The following PYHIN1 variants were observed in gnomAD, a reference collection of about 807,000 sequenced individuals.
PYHIN1 encodes pyrin and HIN domain family member 1.
Under a neutral mutation model 43.7 loss-of-function variants are expected in PYHIN1, and 32 were observed. The observed-to-expected ratio is 0.73, with a 90% CI of 0.55 to 0.98. The LOEUF (loss-of-function observed/expected upper bound fraction) is 0.98. Ranked by LOEUF, PYHIN1 falls within the 50% of genes least tolerant of loss-of-function variation. The probability of loss-of-function intolerance (pLI) is 0.00; values close to 1 mark genes in which losing one functional copy is unlikely to be tolerated. For synonymous variants in PYHIN1, 205 were observed against 203.1 expected, an observed-to-expected ratio of 1.01 and a Z score of -0.08; for missense variants, 588 against 589.5, an observed-to-expected ratio of 1.00 and a Z score of 0.03.
chr1:158,982,228 T>C, the PYHIN1 span, among the ~76,000 whole-genome samples: 2 of 152,196 alleles, frequency 1.3e-5, no homozygotes, highest in Admixed American at 6.5e-5. Flanking sequence ...ATGTCCAGAA[T>C]AGTATTTCCT....
chr1:158,940,184 C>CCACTG (rs1177934557), intron 4 of PYHIN1: 1 of 151,222 alleles, frequency 6.6e-6, no homozygotes, highest in African/African-American at 2.4e-5. Context: ...TGAGATCGCA[C>CCACTG]CACTGCACTC....
chr1:158,954,115 C>G lies in PYHIN1; in HGVS notation c.1359+9073C>G, dbSNP rs549385446. Among the ~76,000 whole-genome samples, 320 of 35,358 alleles carry G rather than the reference C, an allele frequency of 9.1e-3. 21 individuals are homozygous for G. In the Admixed American group the frequency reaches 0.093, roughly 10 times the overall value. The allele number at this position is 35,358 out of a possible 152,430, so 23.2% of individuals were successfully genotyped here. ...ATGGGACTATGTGAAAAGACCAAAT[C>G]TACGTCTGATTGGTGTACCTGAAAG... On this transcript the variant is annotated intron_variant, in intron 7 of 8. Coordinates refer to ENST00000368140, the MANE Select transcript of PYHIN1 (RefSeq NM_152501.5).
chr1:158,970,302 T>A (rs1303326046), intron 7 of PYHIN1, among the ~76,000 whole-genome samples: 2 of 152,048 alleles, frequency 1.3e-5, no homozygotes, highest in Admixed American at 1.3e-4. Context: ...TATTTGTTAA[T>A]GATTTAGGGG....
intron 7 of PYHIN1, among the ~76,000 whole-genome samples, chr1:158,961,985 C>A (rs931982791): frequency 2.0e-4 from 30 of 152,290 alleles, no homozygotes; most frequent in African/African-American, 7.2e-4. Flanking sequence ...CCAGCCACCC[C>A]CCTGCCTGAG....
At position 158,933,834 on chromosome 1, in the gene PYHIN1, C is replaced by T. The variant is rs1648323182; in HGVS notation, c.-21+2058C>T. Among the ~76,000 whole-genome samples the T allele has an allele frequency of 2.6e-5, 4 of 151,960 alleles. No individual in the cohort carries two copies. Among genetic ancestry groups the T allele is most frequent in the Non-Finnish European group, 5.9e-5 (4 of 67,954 alleles). On this transcript the variant is annotated intron_variant, in intron 1 of 8. Transcript: ENST00000368140. The surrounding 1 kb of genome is among the most constrained non-coding windows in gnomAD (Gnocchi z 6.3). Reference sequence around the variant, plus strand: ...TTTGATCAGGGCTTTCTTTTTAAGTCATAGGCACACATAATCAAGTTCGTT... The same window carrying T: ...TTTGATCAGGGCTTTCTTTTTAAGTTATAGGCACACATAATCAAGTTCGTT...
rs201037493 is a variant in PYHIN1, at chr1:158,942,131, C to T, written c.734C>T (p.Thr245Met). 32 of 1,613,236 alleles carry T rather than the reference C, an allele frequency of 2.0e-5. No individual in the cohort carries two copies. The African/African-American group carries it at 2.0e-4, about 10-fold the overall frequency. The change falls in exon 5 of 9, where the codon ACG becomes ATG. Residue 245 changes from threonine (T) to methionine (M), a missense_variant. Physicochemically the swap from Thr to Met is moderately conservative, Grantham distance 81. Coordinates refer to ENST00000368140, the MANE Select transcript of PYHIN1 (RefSeq NM_152501.5). ...AGAATGTTTCATGCTACAGTGGCTA[C>T]GCAGACACAGTTCTTTCATGTGAAG... ...QRRMFHATVA[T>M]QTQFFHVKVL...
chr1:158,970,220 C>A (rs992056341), intron 7 of PYHIN1, among the ~76,000 whole-genome samples: 2 of 151,938 alleles, frequency 1.3e-5, no homozygotes, highest in Non-Finnish European at 2.9e-5. Context: ...AATATTCAAC[C>A]AAAGCTAAGA....
At chr1:158,938,803 A>C (rs1648720959) in intron 3 of PYHIN1, among the ~76,000 whole-genome samples, 1 of 152,184 alleles carries the variant, frequency 6.6e-6, no homozygotes, top group Admixed American at 6.5e-5. Flanking sequence ...GAGTCAGATA[A>C]AAAAACGTTT....
At chr1:158,954,977 A>G (rs1157840705) in intron 7 of PYHIN1, among the ~76,000 whole-genome samples, 2 of 120,484 alleles carry the variant, frequency 1.7e-5, no homozygotes, top group Admixed American at 1.5e-4. Context: ...ACAGACTTTA[A>G]ACAAACAAAG....
At chr1:158,982,931 C>T in the PYHIN1 span, among the ~76,000 whole-genome samples, 12 of 151,982 alleles carry the variant, frequency 7.9e-5, no homozygotes, top group African/African-American at 2.7e-4. Flanking sequence ...CTTGGTTTGG[C>T]TTTCAGCTTG....
At position 158,967,400 on chromosome 1, in the gene PYHIN1, T is replaced by A. The variant is rs145536889; in HGVS notation, c.1360-6247T>A. Among the ~76,000 whole-genome samples the A allele has an allele frequency of 2.7e-3, 403 of 151,402 alleles. 1 individual carries two copies. Among genetic ancestry groups the A allele is most frequent in the African/African-American group, 8.7e-3 (360 of 41,382 alleles). ...ACAGAGAGGCTAACCAAGGAGGTAG[T>A]TATTAACAATAAGAATTACAAAACA... is the stretch of plus-strand genomic sequence containing the variant. On this transcript the variant is annotated intron_variant, in intron 7 of 8. Transcript: ENST00000368140.
chr1:158,947,320 A>C (rs1421754654), intron 7 of PYHIN1, among the ~76,000 whole-genome samples: 4 of 152,236 alleles, frequency 2.6e-5, no homozygotes, highest in African/African-American at 7.2e-5. Context: ...GGATATAGCC[A>C]GATAAAGGAA....
intron 4 of PYHIN1, 89 bp downstream of exon 4, chr1:158,939,336 A>G (rs947605572): frequency 3.1e-6 from 5 of 1,590,094 alleles, no homozygotes; most frequent in South Asian, 1.1e-5. Flanking sequence ...AATGACATCA[A>G]TCATCAGCCA....
the PYHIN1 span, among the ~76,000 whole-genome samples, chr1:158,988,730 C>T: frequency 6.6e-6 from 1 of 152,108 alleles, no homozygotes; most frequent in East Asian, 1.9e-4. Flanking sequence ...TTTCTTCTTA[C>T]TGTTTAAAAT....
chr1:158,939,227 C>A lies in PYHIN1; in HGVS notation c.559C>A (p.Pro187Thr), dbSNP rs759007275. Reference protein sequence around the residue: ...PPPQTSSSAPPNTSSTESLKP... With the variant: ...PPPQTSSSAPTNTSSTESLKP... ...TCCCCAGACCTCATCATCAGCTCCACCCAACACTTCCTCAACTGAGGTACA... is the reference window on the plus strand; with the variant it reads ...TCCCCAGACCTCATCATCAGCTCCAACCAACACTTCCTCAACTGAGGTACA... The change falls in exon 4 of 9, where the codon CCC (proline) becomes ACC (threonine). Residue 187 changes from proline (P) to threonine (T), a missense_variant. Transcript: ENST00000368140. 9.4e-6 allele frequency: 15 copies of A among 1,603,176 alleles called. No homozygotes were observed. The East Asian group carries it at 3.4e-4, about 36-fold the overall frequency.
the PYHIN1 span, among the ~76,000 whole-genome samples, chr1:158,989,669 C>A: frequency 9.2e-5 from 14 of 152,262 alleles, no homozygotes; most frequent in African/African-American, 3.1e-4. Context: ...ATACATGAAA[C>A]AGTTGCTTTC....
chr1:158,981,341 G>A (rs1651476883), downstream of PYHIN1, among the ~76,000 whole-genome samples: 1 of 152,132 alleles, frequency 6.6e-6, no homozygotes, highest in Admixed American at 6.5e-5. Context: ...TGTGGTGGCA[G>A]GCACCTGTAG....
chr1:158,940,295 C>T (rs2101653574), intron 4 of PYHIN1: 1 of 145,750 alleles, frequency 6.9e-6, no homozygotes, highest in East Asian at 2.0e-4. Flanking sequence ...TACAGCTAAG[C>T]AAATGACAAA....
intron 8 of PYHIN1, 144 bp from the exon 9 acceptor site, chr1:158,976,557 T>C (rs1557848328): frequency 1.8e-6 from 1 of 565,752 alleles, no homozygotes; most frequent in Non-Finnish European, 3.2e-6. Flanking sequence ...TTAAAGGAGA[T>C]AGATGAGAAT....
Sources: gnomAD v4.1 joint callset for allele counts (sites outside exome capture counted in the v4.1 genomes callset) on GRCh38, gnomAD v4.1.1 for gene constraint, Gnocchi (gnomAD v3.1) non-coding constraint, MANE v1.5 for transcripts, NCBI Gene and HGNC (gene_info 2026-07-23, HGNC 2026-07-21) for gene names.